CFAP20: variants seen among roughly 807,000 people sequenced by gnomAD.
CFAP20 encodes the protein cilia and flagella associated protein 20.
In CFAP20, 14 loss-of-function variants were observed where a neutral mutation model predicts 25.5. That is an observed-to-expected ratio of 0.55 (90% CI 0.36 to 0.86). CFAP20 has a LOEUF of 0.86. CFAP20 is among the 40% of genes least tolerant of loss of function. CFAP20 has a pLI of 0.01. For synonymous variants in CFAP20, 75 were observed against 91.1 expected (o/e 0.82, Z 1.01); for missense variants, 181 against 248.0 (o/e 0.73, Z 1.81).
chr16:58,121,107 C>T (rs746681633), intron 1 of CFAP20, among the ~76,000 whole-genome samples: 1 of 152,158 alleles, frequency 6.6e-6, no homozygotes, highest in Non-Finnish European at 1.5e-5. Context: ...TCTCTAGGCT[C>T]TAAAACTAGG....
At chr16:58,117,068 G>A in intron 1 of CFAP20, 117 bp from the exon 2 acceptor site, 1 of 820,176 alleles carries the variant, frequency 1.2e-6, no homozygotes, top group Non-Finnish European at 2.0e-6. Flanking sequence ...ACAGCACACT[G>A]AAGCTTATAT....
chr16:58,126,499 G>T (rs906055860), intron 1 of CFAP20, among the ~76,000 whole-genome samples: 1 of 152,060 alleles, frequency 6.6e-6, no homozygotes, highest in Non-Finnish European at 1.5e-5. Context: ...CATAGAAACC[G>T]AACAGAAATT....
Position 58,118,828 on chromosome 16 carries a change from G to A in CFAP20, c.85-1877C>T, listed in dbSNP as rs542798879. On this transcript the variant is annotated intron_variant, in intron 1 of 5. Transcript: ENST00000262498. ...CAGAGTGAGATCCTGTCTCAAAAAT[G>A]AACAAACAAACAAAAAAACAAGGCT... is the stretch of plus-strand genomic sequence containing the variant. Among the ~76,000 whole-genome samples, 114 of 152,078 alleles carry A rather than the reference G, an allele frequency of 7.5e-4. No individual in the cohort carries two copies. The Middle Eastern group carries it at 0.014, about 18-fold the overall frequency.
chr16:58,121,699 A>G (rs1382055098), intron 1 of CFAP20, among the ~76,000 whole-genome samples: 1 of 152,152 alleles, frequency 6.6e-6, no homozygotes, highest in African/African-American at 2.4e-5. Flanking sequence ...CAGTCTTACA[A>G]TCACTCTCCC....
chr16:58,114,252 G>A (rs1289538217), intron 5 of CFAP20, among the ~76,000 whole-genome samples: 1 of 152,216 alleles, frequency 6.6e-6, no homozygotes, highest in African/African-American at 2.4e-5. Context: ...ATGGGGCTGG[G>A]CACGGTGGCT....
chr16:58,114,105 G>T, intron 5 of CFAP20, 75 bp from the exon 6 acceptor site: 1 of 1,484,724 alleles, frequency 6.7e-7, no homozygotes, highest in Non-Finnish European at 9.4e-7. Context: ...CAGGCCCCCT[G>T]CCTCTGGTGA....
At position 58,129,143 on chromosome 16, in the gene CFAP20, C is replaced by A. The variant is rs781094359; in HGVS notation, c.-28G>T. ...CGCCGGCGGCCTTCTCCTAAGCCGC[C>A]CCCGGAGCCGACCTAGGCCCCGGAG... On this transcript the variant is annotated 5_prime_UTR_variant, in exon 1 of 6. Coordinates refer to ENST00000262498, the MANE Select transcript of CFAP20 (RefSeq NM_013242.3). 20 of 1,611,972 alleles carry A rather than the reference C, an allele frequency of 1.2e-5. No homozygotes were observed. In the African/African-American group the frequency reaches 2.4e-4, roughly 19 times the overall value.
At chr16:58,116,288 C>T in intron 2 of CFAP20, 136 bp from the exon 3 acceptor site, 1 of 597,544 alleles carries the variant, frequency 1.7e-6, no homozygotes, top group East Asian at 2.8e-5. Context: ...CCAGTGAATC[C>T]CTCAGCCCTA....
intron 5 of CFAP20, 37 bp downstream of exon 5, chr16:58,114,773 T>TCA: frequency 6.6e-7 from 1 of 1,522,724 alleles, no homozygotes; most frequent in Non-Finnish European, 9.1e-7. Flanking sequence ...CTCCCCCCAC[T>TCA]CACTGGTGGA....
chr16:58,116,839 G>C, intron 2 of CFAP20, 33 bp downstream of exon 2: 1 of 1,579,032 alleles, frequency 6.3e-7, no homozygotes, highest in Non-Finnish European at 8.7e-7. Flanking sequence ...CCTAGTATAT[G>C]ATGTCTCTGG....
At chr16:58,117,194 T>C (rs536772719) in intron 1 of CFAP20, 1 of 520,332 alleles carries the variant, frequency 1.9e-6, no homozygotes, top group Non-Finnish European at 3.4e-6. Context: ...ATCAACTCAA[T>C]TTAGATTCAG....
At chr16:58,119,064 T>G (rs953948271) in intron 1 of CFAP20, 4 of 152,202 alleles carry the variant, frequency 2.6e-5, no homozygotes, top group African/African-American at 9.7e-5. Flanking sequence ...CATATGGGGA[T>G]AAATCAGTGT....
In CFAP20 at chr16:58,114,903, G is replaced by A. The variant is rs1446151875; in HGVS notation, c.483C>T (p.Arg161=). 1.2e-6 allele frequency: 2 copies of A among 1,613,652 alleles called. No homozygotes were observed. The highest frequency in any genetic ancestry group is 1.7e-6 in the Non-Finnish European group (2 of 1,179,584). ...TLRVQIHANC[R]IRRVYFSDRL... ...TGTCTGAGAAGTAAACCCGTCGGAT[G>A]CGACAATTTGCATGGATCTGTCAAG... Residue 161 remains arginine, a synonymous_variant, in exon 5 of 6, where the codon CGC becomes CGT. Transcript: ENST00000262498.
In CFAP20 at chr16:58,113,838, C is replaced by T. The variant is rs747785871; in HGVS notation, c.*187G>A. 6.5e-5 allele frequency: 43 copies of T among 659,838 alleles called. No individual in the cohort carries two copies. Among genetic ancestry groups the T allele is most frequent in the Non-Finnish European group, 1.0e-4 (39 of 377,650 alleles). 40.9% of individuals were successfully genotyped at this position (659,838 alleles called of 1,614,324 possible). ...CTCACAGGACTGCTTACCCCCACTG[C>T]ACTTACAATGCAGTCACAGAGTTAC... On this transcript the variant is annotated 3_prime_UTR_variant, in exon 6 of 6. Transcript: ENST00000262498.
At chr16:58,118,455 C>T (rs563345490) in intron 1 of CFAP20, among the ~76,000 whole-genome samples, 1 of 150,574 alleles carries the variant, frequency 6.6e-6, no homozygotes, top group African/African-American at 2.4e-5. Flanking sequence ...TGCACTCCAG[C>T]CTAGAGGAGT....
At chr16:58,124,751 C>T (rs944916712) in intron 1 of CFAP20, among the ~76,000 whole-genome samples, 3 of 152,178 alleles carry the variant, frequency 2.0e-5, no homozygotes, top group African/African-American at 4.8e-5. Flanking sequence ...ATGTGAAGGC[C>T]TAGGACATTA....
At chr16:58,118,070 C>A (rs537402592) in intron 1 of CFAP20, among the ~76,000 whole-genome samples, 44 of 152,296 alleles carry the variant, frequency 2.9e-4, no homozygotes, top group African/African-American at 1.0e-3. Context: ...GGGGAGGAAT[C>A]AATATTCAAT....
At chr16:58,122,403 A>G (rs1462777366) in intron 1 of CFAP20, among the ~76,000 whole-genome samples, 1 of 152,142 alleles carries the variant, frequency 6.6e-6, no homozygotes, top group East Asian at 1.9e-4. Flanking sequence ...CAACATGTGA[A>G]ACCCCATCTC....
intron 1 of CFAP20, among the ~76,000 whole-genome samples, chr16:58,121,696 AC>A (rs1368746588): frequency 6.6e-6 from 1 of 152,158 alleles, no homozygotes; most frequent in African/African-American, 2.4e-5. Context: ...GGCCAGTCTT[AC>A]AATCACTCTC....
Sources: allele counts gnomAD v4.1 joint callset (sites outside exome capture counted in the v4.1 genomes callset), GRCh38; gene constraint gnomAD v4.1.1; transcripts MANE v1.5; gene names NCBI Gene and HGNC (gene_info 2026-07-23, HGNC 2026-07-21).